The following LMAN1L variants were observed in gnomAD, a reference collection of about 807,000 sequenced individuals.
LMAN1L encodes the protein lectin, mannose binding 1 like.
LMAN1L carries 60 observed loss-of-function variants against 58.3 expected under a neutral mutation model. The observed-to-expected ratio is 1.03, with a 90% CI of 0.84 to 1.27. The LOEUF is 1.27. Ranked by LOEUF, LMAN1L falls within the 50% of genes most tolerant of loss-of-function variation. The pLI is 0.00. For synonymous variants in LMAN1L, 280 were observed against 271.6 expected (o/e 1.03, Z -0.31); for missense variants, 629 against 674.0 (o/e 0.93, Z 0.74).
In LMAN1L at chr15:74,812,999, G is replaced by A. The variant is rs376572264; in HGVS notation, c.145G>A (p.Ala49Thr). ...FKGPRLALPG[A>T]GIPFWSHHGD... ...AGGCCCAAGGCTGGCATTGCCTGGG[G>A]CTGGAATACCCTTCTGGAGCCATCA... Residue 49 changes from alanine (A) to threonine (T), a missense_variant, in exon 1 of 14, where the codon GCT becomes ACT. This residue lies in a region of LMAN1L where 573 missense variants were observed against 597.3 expected (regional missense o/e 0.96). Transcript: ENST00000309664. 1.2e-6 allele frequency: 2 copies of A among 1,613,830 alleles called. No individual in the cohort carries two copies. Among genetic ancestry groups the A allele is most frequent in the Non-Finnish European group, 1.7e-6 (2 of 1,179,942 alleles).
intron 1 of LMAN1L, among the ~76,000 whole-genome samples, chr15:74,814,611 G>A (rs2063882416): frequency 6.6e-6 from 1 of 152,168 alleles, no homozygotes; most frequent in South Asian, 2.1e-4. Context: ...CTGACCTCGT[G>A]ATCCGCCCGC....
At chr15:74,813,994 C>T (rs1300727349) in intron 1 of LMAN1L, among the ~76,000 whole-genome samples, 2 of 151,760 alleles carry the variant, frequency 1.3e-5, no homozygotes, top group Non-Finnish European at 2.9e-5. Context: ...GGTGTGGTGG[C>T]GTGCGCCTGT....
rs151113129 is a variant in LMAN1L, at chr15:74,824,790, C to T, written c.1451+312C>T. 39 of 265,638 alleles carry T rather than the reference C, an allele frequency of 1.5e-4. No individual in the cohort carries two copies. The East Asian group carries it at 2.9e-3, about 20-fold the overall frequency. 16.5% of individuals were successfully genotyped at this position (265,638 alleles called of 1,614,324 possible). A position where few individuals can be genotyped will look rare whatever the true frequency, so the allele number is the denominator to read the frequency against. ...AGAGTGCAGGAGAACACACTTGACC[C>T]CCCTTGGTTAGGGAATCAACCTGGA... On this transcript the variant is annotated intron_variant, in intron 13 of 13. Transcript: ENST00000309664.
At chr15:74,819,827 C>A (rs1023004186) in intron 6 of LMAN1L, 3 of 609,352 alleles carry the variant, frequency 4.9e-6, no homozygotes, top group Non-Finnish European at 8.9e-6. Flanking sequence ...CCACAGGGGC[C>A]TGCCTCTGAC....
Position 74,821,375 on chromosome 15 carries a change from T to A in LMAN1L, c.1059+149T>A, listed in dbSNP as rs925958171. 1.0e-5 allele frequency: 10 copies of A among 999,204 alleles called. No homozygotes were observed. The South Asian group carries it at 1.7e-4, about 17-fold the overall frequency. 61.9% of individuals were successfully genotyped at this position (999,204 alleles called of 1,614,324 possible). ...GGTCACAGGATGGGGCAGGGCAGCATGCAGGATGGCATCTCTGCACAAGCA... is the reference window on the plus strand; with the variant it reads ...GGTCACAGGATGGGGCAGGGCAGCAAGCAGGATGGCATCTCTGCACAAGCA... On this transcript the variant is annotated intron_variant, in intron 9 of 13. Coordinates refer to ENST00000309664, the MANE Select transcript of LMAN1L (RefSeq NM_021819.3).
In LMAN1L at chr15:74,816,645, T is replaced by A. The variant is rs1567223618; in HGVS notation, c.452T>A (p.Ile151Asn). The A allele has an allele frequency of 6.2e-7, 1 of 1,613,834 alleles. No individual in the cohort carries two copies. Among genetic ancestry groups the A allele is most frequent in the African/African-American group, 1.3e-5 (1 of 75,012 alleles). The change falls in exon 4 of 14, where the codon ATC becomes AAC. Residue 151 changes from isoleucine to asparagine, a missense_variant. Physicochemically the swap from Ile to Asn is moderately radical, Grantham distance 149. This residue lies in a region of LMAN1L where 573 missense variants were observed against 597.3 expected (regional missense o/e 0.96). Coordinates refer to ENST00000309664, the MANE Select transcript of LMAN1L (RefSeq NM_021819.3). Reference protein sequence around the residue: ...PAEDTQDSPAIRVLASDGHIP... With the variant: ...PAEDTQDSPANRVLASDGHIP... ...ACCTCCCTGCAGGACAGTCCTGCCATCCGTGTGCTGGCCAGCGACGGGCAC... is the reference window on the plus strand; with the variant it reads ...ACCTCCCTGCAGGACAGTCCTGCCAACCGTGTGCTGGCCAGCGACGGGCAC...
At chr15:74,821,308 C>G (rs1429521335) in intron 9 of LMAN1L, 82 bp downstream of exon 9, 2 of 1,456,240 alleles carry the variant, frequency 1.4e-6, no homozygotes, top group African/African-American at 1.4e-5. Context: ...CTAGTCTCCC[C>G]TAAGGCCTGG....
intron 5 of LMAN1L, 111 bp downstream of exon 5, chr15:74,818,928 A>G (rs1167207055): frequency 9.3e-7 from 1 of 1,071,750 alleles, no homozygotes; most frequent in African/African-American, 1.6e-5. Context: ...GGTCCCTGGC[A>G]CACACGGGCC....
intron 11 of LMAN1L, among the ~76,000 whole-genome samples, chr15:74,822,983 C>A (rs1415028352): frequency 2.6e-5 from 4 of 152,228 alleles, no homozygotes; most frequent in African/African-American, 7.2e-5. Context: ...CTTAAGAAAT[C>A]TGAGCATTCC....
Position 74,816,442 on chromosome 15 carries a change from C to T in LMAN1L, c.346C>T (p.Arg116Trp), listed in dbSNP as rs758984056. 1.3e-6 allele frequency: 2 copies of T among 1,556,108 alleles called. No individual in the cohort carries two copies. The highest frequency in any genetic ancestry group is 1.8e-5 in the Admixed American group (1 of 55,582). Residue 116 changes from arginine to tryptophan, a missense_variant, in exon 3 of 14, where the codon CGG becomes TGG. By Grantham distance (101) the Arg-to-Trp change is moderately radical (BLOSUM62 -3). Around this residue, in one of 3 missense-constraint regions of LMAN1L, gnomAD observed 573 missense variants for 597.3 expected, o/e 0.96. Transcript: ENST00000309664. ...GGACCTGCAGGCCGTGTGGTACACC[C>T]GGGGCAGGGGCCATGTAGGCTCTGT... ...GAQGMAVWYTRGRGHVGSVLG... is the reference protein window; with the variant it reads ...GAQGMAVWYTWGRGHVGSVLG...
chr15:74,822,596 G>A (rs376279460), intron 10 of LMAN1L, 46 bp from the exon 11 acceptor site: 28 of 1,520,378 alleles, frequency 1.8e-5, no homozygotes, highest in Admixed American at 1.2e-4. Context: ...TCTGAGAAGA[G>A]AGGGGCTATG....
rs2141116380 is a variant in LMAN1L, at chr15:74,821,062, C to T, written c.908-13C>T. 2 of 1,569,738 alleles carry T rather than the reference C, an allele frequency of 1.3e-6. No individual in the cohort carries two copies. Among genetic ancestry groups the T allele is most frequent in the South Asian group, 1.2e-5 (1 of 85,256 alleles). On this transcript the variant is annotated splice_polypyrimidine_tract_variant and intron_variant, in intron 8 of 13. Coordinates refer to ENST00000309664, the MANE Select transcript of LMAN1L (RefSeq NM_021819.3). ...TGGCTGGCTGCCCATCCCAGCTCTG[C>T]CCTAATCCCCAGGGGAAAGGCTCTT...
At chr15:74,816,768 C>A in intron 4 of LMAN1L, 78 bp downstream of exon 4, 1 of 1,382,868 alleles carries the variant, frequency 7.2e-7, no homozygotes. Flanking sequence ...CGAGCCCCTG[C>A]CCCAGCCTCC....
intron 5 of LMAN1L, 144 bp from the exon 6 acceptor site, chr15:74,819,008 G>A: frequency 9.4e-7 from 1 of 1,061,620 alleles, no homozygotes; most frequent in Non-Finnish European, 1.4e-6. Context: ...ACATGTAAGG[G>A]CTCACATGAG....
At chr15:74,823,870 A>T in intron 12 of LMAN1L, 188 bp downstream of exon 12, 2 of 626,856 alleles carry the variant, frequency 3.2e-6, no homozygotes, top group Non-Finnish European at 5.5e-6. Context: ...CACACATCTC[A>T]TCTTTTCTCT....
Position 74,825,563 on chromosome 15 carries a change from G to T in LMAN1L, c.1539G>T (p.Gly513=), listed in dbSNP as rs777794046. 1 of 1,613,300 alleles carries T rather than the reference G, an allele frequency of 6.2e-7. No homozygotes were observed. Among genetic ancestry groups the T allele is most frequent in the South Asian group, 1.1e-5 (1 of 91,070 alleles). ...CACCACACACCCCCAGGGCCCTGGGGATTCTGAGGAGGCAGCCTCTCCCTG... is the reference window on the plus strand; with the variant it reads ...CACCACACACCCCCAGGGCCCTGGGTATTCTGAGGAGGCAGCCTCTCCCTG... ...GPAPHTPRAL[G]ILRRQPLPAS... Residue 513 remains glycine, a synonymous_variant, in exon 14 of 14, where the codon GGG becomes GGT. Coordinates refer to ENST00000309664, the MANE Select transcript of LMAN1L (RefSeq NM_021819.3).
chr15:74,821,728 T>G, intron 9 of LMAN1L, 101 bp from the exon 10 acceptor site: 3 of 762,080 alleles, frequency 3.9e-6, no homozygotes, highest in Non-Finnish European at 4.4e-6. Flanking sequence ...CAGCTCGAGG[T>G]TTTAATCTTG....
chr15:74,820,557 G>A, intron 7 of LMAN1L, 78 bp from the exon 8 acceptor site: 1 of 1,584,142 alleles, frequency 6.3e-7, no homozygotes, highest in Non-Finnish European at 8.6e-7. Context: ...GGGCTCGTGG[G>A]GAAGCCTGTG....
At chr15:74,819,515 T>C (rs2063907599) in intron 6 of LMAN1L, 4 of 538,122 alleles carry the variant, frequency 7.4e-6, no homozygotes, top group Non-Finnish European at 1.3e-5. Flanking sequence ...GCGGGACAAG[T>C]GGAAGACAGA....
Sources: gnomAD v4.1 joint callset for allele counts (sites outside exome capture counted in the v4.1 genomes callset) on GRCh38, gnomAD v4.1.1 for gene constraint, gnomAD v4.1.1 regional missense constraint, MANE v1.5 for transcripts, NCBI Gene and HGNC (gene_info 2026-07-23, HGNC 2026-07-21) for gene names.